PTCD3: variants seen among roughly 807,000 people sequenced by gnomAD.
The protein encoded by PTCD3 is small ribosomal subunit protein mS39.
A neutral mutation model predicts 101.9 loss-of-function variants in PTCD3; 89 were observed. That is an observed-to-expected ratio of 0.87 (90% CI 0.74 to 1.04). PTCD3 has a LOEUF of 1.04. Ranked by LOEUF, PTCD3 falls within the 50% of genes least tolerant of loss-of-function variation. The pLI, the probability that PTCD3 is intolerant of heterozygous loss-of-function variation, is 0.00. For synonymous variants in PTCD3, 296 were observed against 278.5 expected, an observed-to-expected ratio of 1.06 and a Z score of -0.63; for missense variants, 870 against 828.2, an observed-to-expected ratio of 1.05 and a Z score of -0.62.
At chr2:86,110,150 A>G (rs766233150) in intron 3 of PTCD3, among the ~76,000 whole-genome samples, 1 of 152,232 alleles carries the variant, frequency 6.6e-6, no homozygotes, top group Non-Finnish European at 1.5e-5. Flanking sequence ...TCAATATGTT[A>G]GGAAAGTTTG....
chr2:86,110,043 T>A (rs1674046794), intron 3 of PTCD3, among the ~76,000 whole-genome samples: 2 of 152,230 alleles, frequency 1.3e-5, no homozygotes, highest in Admixed American at 6.5e-5. Flanking sequence ...TCTAGTTTAT[T>A]TTTTTAAGAT....
intron 1 of PTCD3, chr2:86,107,329 G>C: frequency 4.9e-6 from 2 of 411,028 alleles, no homozygotes; most frequent in African/African-American, 4.2e-5. Flanking sequence ...TGACTTGAAA[G>C]AGTTGATCTC....
intron 12 of PTCD3, among the ~76,000 whole-genome samples, chr2:86,126,877 A>G (rs1020878272): frequency 6.6e-6 from 1 of 151,380 alleles, no homozygotes; most frequent in African/African-American, 2.4e-5. Context: ...ATATCATACT[A>G]GTCTATTATT....
chr2:86,128,569 C>T (rs888782682), intron 14 of PTCD3, among the ~76,000 whole-genome samples: 3 of 152,146 alleles, frequency 2.0e-5, no homozygotes, highest in Non-Finnish European at 2.9e-5. Context: ...TACCATGTGT[C>T]GTGATGCAGA....
At chr2:86,133,793 C>G (rs2241435) in intron 19 of PTCD3, among the ~76,000 whole-genome samples, 11,379 of 152,248 alleles carry the variant, frequency 0.075, 697 homozygotes, top group African/African-American at 0.16. Flanking sequence ...AGTGTTGCCT[C>G]ACTTCACTAA....
In PTCD3 at chr2:86,132,356, A is replaced by T. The variant is rs997642283; in HGVS notation, c.1305A>T (p.Val435=). The T allele has an allele frequency of 5.6e-6, 9 of 1,609,344 alleles. No homozygotes were observed. Among genetic ancestry groups the T allele is most frequent in the Non-Finnish European group, 7.7e-6 (9 of 1,175,828 alleles). ...SLRDLELAYQ[V]HGLLKTGDNW... ...GAGATCTAGAACTTGCCTACCAAGT[A>T]CATGGCCTTTTAAAAACCGGAGACA... The change falls in exon 17 of 24, where the codon GTA becomes GTT. Residue 435 remains valine, a synonymous_variant. Transcript: ENST00000254630.
chr2:86,133,093 TA>T, intron 17 of PTCD3, 84 bp from the exon 18 acceptor site: 2 of 1,511,352 alleles, frequency 1.3e-6, no homozygotes, highest in South Asian at 2.6e-5. Flanking sequence ...TTGTAACATA[TA>T]ATATGCTATA....
intron 20 of PTCD3, 55 bp from the exon 21 acceptor site, chr2:86,134,784 A>G: frequency 6.3e-7 from 1 of 1,596,238 alleles, no homozygotes; most frequent in Non-Finnish European, 8.6e-7. Context: ...AGTCTCCTGA[A>G]CTGAAATTCT....
At chr2:86,118,254 G>A (rs564555577) in intron 6 of PTCD3, among the ~76,000 whole-genome samples, 1 of 152,220 alleles carries the variant, frequency 6.6e-6, no homozygotes, top group South Asian at 2.1e-4. Context: ...TCTTTGTTCT[G>A]TAGTTTTGGA....
intron 14 of PTCD3, 51 bp downstream of exon 14, chr2:86,128,042 TC>T: frequency 7.1e-7 from 1 of 1,403,684 alleles, no homozygotes; most frequent in Non-Finnish European, 1.0e-6. Flanking sequence ...TGACCAGCTT[TC>T]TTGAGTTTAT....
chr2:86,118,601 C>T (rs766602979), intron 6 of PTCD3, among the ~76,000 whole-genome samples: 3 of 152,160 alleles, frequency 2.0e-5, no homozygotes, highest in Non-Finnish European at 4.4e-5. Flanking sequence ...CTCTGTATCC[C>T]CAGTGCCAAG....
At chr2:86,111,958 G>A (rs1674093802) in intron 4 of PTCD3, 1 of 151,808 alleles carries the variant, frequency 6.6e-6, no homozygotes, top group Admixed American at 6.6e-5. Context: ...TGGTCAGGCT[G>A]GTCTCGAACT....
At chr2:86,118,790 G>C in intron 6 of PTCD3, 131 bp from the exon 7 acceptor site, 1 of 979,190 alleles carries the variant, frequency 1.0e-6, no homozygotes, top group Non-Finnish European at 1.5e-6. Context: ...AGTAGTATCT[G>C]GTGCAGGAAA....
Position 86,141,625 on chromosome 2 carries a change from A to T in PTCD3, c.*4066A>T, listed in dbSNP as rs1414198182. 1.3e-5 allele frequency: 2 copies of T among 152,262 alleles called. No individual in the cohort carries two copies. The highest frequency in any genetic ancestry group is 2.9e-5 in the Non-Finnish European group (2 of 68,050). The allele number at this position is 152,262 out of a possible 1,614,324, so 9.4% of individuals were successfully genotyped here. On this transcript the variant is annotated 3_prime_UTR_variant, in exon 24 of 24. Transcript: ENST00000254630. ...TTGAAATATTAAACATGAAAATGTTAAATCAGGATGTGTGAGTTTTAAGAT... is the reference window on the plus strand; with the variant it reads ...TTGAAATATTAAACATGAAAATGTTTAATCAGGATGTGTGAGTTTTAAGAT...
intron 21 of PTCD3, 22 bp from the exon 22 acceptor site, chr2:86,136,499 A>G: frequency 6.3e-7 from 1 of 1,596,874 alleles, no homozygotes; most frequent in Non-Finnish European, 8.6e-7. Context: ...AGTATTCATA[A>G]TCTTTTTCCT....
In PTCD3 at chr2:86,125,453, A is replaced by G. The variant is rs1015063179; in HGVS notation, c.805-2A>G. On this transcript the variant is annotated splice_acceptor_variant, in intron 10 of 23. Transcript: ENST00000254630. LOFTEE classifies it high-confidence loss of function. ...GATGATGCTTAATTTTTCCTTTTCC[A>G]GCACCGAGCTTATGAGCAGGCATTA... 4 of 1,612,272 alleles carry G rather than the reference A, an allele frequency of 2.5e-6. No individual in the cohort carries two copies. The highest frequency in any genetic ancestry group is 1.7e-4 in the Middle Eastern group (1 of 6,056).
rs534855357 is a variant in PTCD3, at chr2:86,134,987, G to T, written c.1778G>T (p.Trp593Leu). 6.2e-7 allele frequency: 1 copy of T among 1,613,868 alleles called. No individual in the cohort carries two copies. The highest frequency in any genetic ancestry group is 1.3e-5 in the African/African-American group (1 of 75,032). ...AGGGCTGGGAGAACTCAGGAAGCCT[G>T]GTGAGTACAGTACCACAAGTATACA... ...FLRAGRTQEA[W>L]KMLGLFRKHN... The change falls in exon 21 of 24, where the codon TGG (tryptophan) becomes TTG (leucine). Residue 593 changes from tryptophan (W) to leucine (L), a missense_variant and splice_region_variant. Trp to Leu is a moderately conservative substitution (Grantham distance 61). Transcript: ENST00000254630.
rs1674642916 is a variant in PTCD3 at position 86,139,152 on chromosome 2, T to G, written c.*1593T>G. 1 of 152,180 alleles carries G rather than the reference T, an allele frequency of 6.6e-6. No individual in the cohort carries two copies. The highest frequency in any genetic ancestry group is 2.4e-5 in the African/African-American group (1 of 41,434). 9.4% of individuals were successfully genotyped at this position (152,180 alleles called of 1,614,324 possible). A position where few individuals can be genotyped will look rare whatever the true frequency, so the allele number is the denominator to read the frequency against. ...AAATTAAGGCCTCACAGGATGAGTC[T>G]CCATTCTCTGTAAATGCTTATTTTA... On this transcript the variant is annotated 3_prime_UTR_variant, in exon 24 of 24. Coordinates refer to ENST00000254630, the MANE Select transcript of PTCD3 (RefSeq NM_017952.6).
intron 20 of PTCD3, 133 bp downstream of exon 20, chr2:86,134,510 C>T: frequency 1.4e-6 from 1 of 727,850 alleles, no homozygotes; most frequent in Non-Finnish European, 2.3e-6. Context: ...TACATCTAAA[C>T]ATATCTTGCC....
Sources: allele counts gnomAD v4.1 joint callset (sites outside exome capture counted in the v4.1 genomes callset), GRCh38; gene constraint gnomAD v4.1.1; transcripts MANE v1.5; gene names NCBI Gene and HGNC (gene_info 2026-07-23, HGNC 2026-07-21).